ICA1: variants seen among roughly 807,000 people sequenced by gnomAD.
ICA1 encodes 69 kDa islet cell autoantigen.
A neutral mutation model predicts 71.0 loss-of-function variants in ICA1; 40 were observed. The observed-to-expected ratio is 0.56, with a 90% CI of 0.44 to 0.73. The LOEUF is 0.73. Among genes scored for constraint, ICA1 ranks in the 30% least tolerant of loss-of-function variants. ICA1 has a pLI of 0.00. For synonymous variants in ICA1, 207 were observed against 209.5 expected (o/e 0.99, Z 0.10); for missense variants, 578 against 576.5 (o/e 1.00, Z -0.03).
At chr7:8,179,755 T>A (rs568509322) in intron 6 of ICA1, among the ~76,000 whole-genome samples, 1 of 150,122 alleles carries the variant, frequency 6.7e-6, no homozygotes, top group East Asian at 1.9e-4. Context: ...AAGGGAGAAC[T>A]TTTTTTTTTC....
rs763342256 is a variant in ICA1, at chr7:8,218,442, C to A, written c.442G>T (p.Ala148Ser). Residue 148 changes from alanine (A) to serine (S), a missense_variant, in exon 6 of 14, where the codon GCC becomes TCC. By Grantham distance (99) the Ala-to-Ser change is moderately conservative. Transcript: ENST00000402384. ...ACCGTCAGCCAAGTATCTGAGATGG[C>A]CCGATGCCGAAAAGTCTCCACTTCT... ...HQEVETFRHR[A>S]ISDTWLTVNR... 1.2e-6 allele frequency: 2 copies of A among 1,614,070 alleles called. No homozygotes were observed. Among genetic ancestry groups the A allele is most frequent in the Non-Finnish European group, 1.7e-6 (2 of 1,179,982 alleles).
intron 13 of ICA1, chr7:8,114,881 G>A (rs1356560403): frequency 1.3e-5 from 2 of 152,202 alleles, no homozygotes; most frequent in Non-Finnish European, 2.9e-5. Flanking sequence ...CCAACAGGTG[G>A]GAGTGTCAGA....
chr7:8,156,630 C>G, intron 8 of ICA1: 2 of 476,954 alleles, frequency 4.2e-6, no homozygotes, highest in Non-Finnish European at 6.9e-6. Context: ...CAGAAAAATT[C>G]AATTTTATGT....
At chr7:8,177,854 T>C (rs1469500846) in intron 6 of ICA1, among the ~76,000 whole-genome samples, 1 of 152,194 alleles carries the variant, frequency 6.6e-6, no homozygotes, top group Non-Finnish European at 1.5e-5. Context: ...GATCAGGTCC[T>C]TCCCTTTATG....
At chr7:8,202,244 A>G (rs547464686) in intron 6 of ICA1, among the ~76,000 whole-genome samples, 1 of 152,302 alleles carries the variant, frequency 6.6e-6, no homozygotes, top group African/African-American at 2.4e-5. Flanking sequence ...GCATGTGTCA[A>G]TGTGGTCTGA....
intron 9 of ICA1, 116 bp downstream of exon 9, chr7:8,143,759 G>A: frequency 1.5e-6 from 1 of 676,410 alleles, no homozygotes; most frequent in Non-Finnish European, 2.7e-6. Context: ...TCTACTCTGA[G>A]AAGTGAGGAA....
At chr7:8,230,025 G>A (rs1799778189) in intron 3 of ICA1, among the ~76,000 whole-genome samples, 1 of 152,152 alleles carries the variant, frequency 6.6e-6, no homozygotes, top group African/African-American at 2.4e-5. Context: ...GCACAGCTCT[G>A]GAGTGTTCAG....
chr7:8,160,645 T>C (rs928469633), intron 6 of ICA1, among the ~76,000 whole-genome samples: 1 of 152,234 alleles, frequency 6.6e-6, no homozygotes, highest in Admixed American at 6.5e-5. Flanking sequence ...TCTGTATGAA[T>C]AGAATCTTGT....
Position 8,222,254 on chromosome 7 carries a change from A to T in ICA1, c.257-856T>A, listed in dbSNP as rs1187781752. ...ATACTAGGAACTAGTTTAATAAAAT[A>T]CAGCATACCCACATAATGGTACAGT... On this transcript the variant is annotated intron_variant, in intron 4 of 13. Transcript: ENST00000402384. The surrounding 1 kb of genome is among the most constrained non-coding windows in gnomAD (Gnocchi z 4.8). Among the ~76,000 whole-genome samples, 1 of 152,146 alleles carries T rather than the reference A, an allele frequency of 6.6e-6. No homozygotes were observed. The highest frequency in any genetic ancestry group is 6.6e-5 in the Admixed American group (1 of 15,266).
intron 6 of ICA1, among the ~76,000 whole-genome samples, chr7:8,211,887 C>T (rs1793909714): frequency 6.6e-6 from 1 of 152,122 alleles, no homozygotes; most frequent in South Asian, 2.1e-4. Flanking sequence ...AGGAGCCAGA[C>T]CACTTATAGT....
At chr7:8,260,883 C>T (rs1812073555) in intron 1 of ICA1, among the ~76,000 whole-genome samples, 1 of 152,198 alleles carries the variant, frequency 6.6e-6, no homozygotes, top group African/African-American at 2.4e-5. Flanking sequence ...CAGAACAGTT[C>T]AGATCTCAGA....
intron 1 of ICA1, among the ~76,000 whole-genome samples, chr7:8,249,482 T>TGGA (rs1434777133): frequency 6.6e-6 from 1 of 152,226 alleles, no homozygotes; most frequent in African/African-American, 2.4e-5. Flanking sequence ...CTCTAGCCAT[T>TGGA]GGAGGATGGA....
chr7:8,124,188 T>C (rs1788162973), intron 13 of ICA1, among the ~76,000 whole-genome samples: 1 of 145,406 alleles, frequency 6.9e-6, no homozygotes, highest in Admixed American at 7.0e-5. Context: ...TGGCGGGATC[T>C]CGGCTCACTG....
At chr7:8,143,446 A>T (rs142978294) in intron 9 of ICA1, among the ~76,000 whole-genome samples, 1 of 152,354 alleles carries the variant, frequency 6.6e-6, no homozygotes, top group Non-Finnish European at 1.5e-5. Context: ...CATGTATCCC[A>T]GGGCAATTTC....
At chr7:8,176,533 C>T (rs1484047453) in intron 6 of ICA1, among the ~76,000 whole-genome samples, 1 of 152,140 alleles carries the variant, frequency 6.6e-6, no homozygotes, top group South Asian at 2.1e-4. Context: ...AGGGGGAAAC[C>T]ACAGCACTCA....
chr7:8,134,809 G>A (rs1476935687), intron 12 of ICA1, among the ~76,000 whole-genome samples: 1 of 151,142 alleles, frequency 6.6e-6, no homozygotes, highest in African/African-American at 2.4e-5. Flanking sequence ...ACAGAGAGAG[G>A]AAAAACAACT....
chr7:8,118,305 T>G (rs1231116754), intron 13 of ICA1, among the ~76,000 whole-genome samples: 3 of 152,206 alleles, frequency 2.0e-5, no homozygotes, highest in African/African-American at 7.2e-5. Context: ...GGCATTGTTA[T>G]TCATTGGAAA....
intron 13 of ICA1, chr7:8,116,660 A>C (rs114523865): frequency 6.6e-6 from 1 of 152,366 alleles, no homozygotes; most frequent in African/African-American, 2.4e-5. Context: ...TAAGGAAAGC[A>C]GGTGCCTTGT....
chr7:8,215,383 T>C (rs899195716), intron 6 of ICA1, among the ~76,000 whole-genome samples: 3 of 152,208 alleles, frequency 2.0e-5, no homozygotes, highest in Non-Finnish European at 4.4e-5. Context: ...CTTCACATTT[T>C]GTTTAGTGCC....
Sources: gnomAD v4.1 joint callset for allele counts (sites outside exome capture counted in the v4.1 genomes callset) on GRCh38, gnomAD v4.1.1 for gene constraint, Gnocchi (gnomAD v3.1) non-coding constraint, MANE v1.5 for transcripts, NCBI Gene and HGNC (gene_info 2026-07-23, HGNC 2026-07-21) for gene names.